KDELR2: variants seen among roughly 807,000 people sequenced by gnomAD.
KDELR2 encodes the protein ER lumen protein-retaining receptor 2.
Under a neutral mutation model 23.9 loss-of-function variants are expected in KDELR2, and 15 were observed. That is an observed-to-expected ratio of 0.63 (90% CI 0.42 to 0.97). The LOEUF (loss-of-function observed/expected upper bound fraction) is 0.97, where lower values mean the gene tolerates loss of function less well. Ranked by LOEUF, KDELR2 falls within the 50% of genes least tolerant of loss-of-function variation. KDELR2 has a pLI of 0.00. For missense variants in KDELR2, 272 were observed against 254.6 expected, an observed-to-expected ratio of 1.07 and a Z score of -0.46; for synonymous variants, 119 against 106.2, an observed-to-expected ratio of 1.12 and a Z score of -0.74.
At chr7:6,464,174 G>A (rs1467668603) in intron 4 of KDELR2, among the ~76,000 whole-genome samples, 2 of 115,450 alleles carry the variant, frequency 1.7e-5, no homozygotes, top group East Asian at 2.9e-4. Flanking sequence ...TCCAGCCTGG[G>A]CAACAAGAGC....
rs371474896 is a variant in KDELR2 at position 6,462,778 on chromosome 7, A to C, written c.*363T>G. The C allele has an allele frequency of 7.8e-6, 4 of 510,072 alleles. No homozygotes were observed. Among genetic ancestry groups the C allele is most frequent in the South Asian group, 6.1e-5 (2 of 32,650 alleles). The allele number at this position is 510,072 out of a possible 1,614,324, so 31.6% of individuals were successfully genotyped here. ...CAAGGAGTACAATTTCATTGCAGAC[A>C]CAAAGACTTAAGAGTTTCAAAGAAT... On this transcript the variant is annotated 3_prime_UTR_variant, in exon 5 of 5. Transcript: ENST00000258739.
Position 6,483,989 on chromosome 7 carries a change from G to C in KDELR2, c.69C>G (p.Ile23Met). Residue 23 changes from isoleucine to methionine, a missense_variant, in exon 1 of 5, where the codon ATC (isoleucine) becomes ATG (methionine). Ile to Met is a conservative substitution (Grantham distance 10). Coordinates refer to ENST00000258739, the MANE Select transcript of KDELR2 (RefSeq NM_006854.4). ...LAAIVILLLK[I>M]WKTRSCAGIS... ...CACCGGCGCAGGAGCGCGTCTTCCA[G>C]ATCTTCAGCAGCAGGATGACGATGG... 1 of 1,531,980 alleles carries C rather than the reference G, an allele frequency of 6.5e-7. No homozygotes were observed. Among genetic ancestry groups the C allele is most frequent in the Non-Finnish European group, 8.8e-7 (1 of 1,137,382 alleles). 94.9% of individuals were successfully genotyped at this position (1,531,980 alleles called of 1,614,324 possible).
At chr7:6,467,452 C>T (rs1785526340) in intron 3 of KDELR2, among the ~76,000 whole-genome samples, 1 of 152,102 alleles carries the variant, frequency 6.6e-6, no homozygotes, top group African/African-American at 2.4e-5. Context: ...TTCAGAGGGT[C>T]CTTGAGTATT....
chr7:6,476,453 T>C (rs180895248), intron 1 of KDELR2, among the ~76,000 whole-genome samples: 515 of 152,336 alleles, frequency 3.4e-3, no homozygotes, highest in Non-Finnish European at 5.6e-3. Flanking sequence ...AGTCAGACCA[T>C]ACCTGGTGTT....
At chr7:6,481,742 A>G (rs1032155380) in intron 1 of KDELR2, among the ~76,000 whole-genome samples, 2 of 152,164 alleles carry the variant, frequency 1.3e-5, no homozygotes, top group African/African-American at 4.8e-5. Flanking sequence ...CAAACAAACA[A>G]ACAAACAAAC....
chr7:6,475,642 G>A (rs1459340958), intron 1 of KDELR2, among the ~76,000 whole-genome samples: 1 of 152,140 alleles, frequency 6.6e-6, no homozygotes, highest in Non-Finnish European at 1.5e-5. Context: ...AGGAAGGCTG[G>A]ACATTTATGT....
At chr7:6,477,997 T>C (rs1472876076) in intron 1 of KDELR2, among the ~76,000 whole-genome samples, 1 of 152,170 alleles carries the variant, frequency 6.6e-6, no homozygotes, top group African/African-American at 2.4e-5. Flanking sequence ...AAATAAGACA[T>C]GAACATTTTA....
chr7:6,476,096 G>A (rs1785746251), intron 1 of KDELR2, among the ~76,000 whole-genome samples: 1 of 152,090 alleles, frequency 6.6e-6, no homozygotes, highest in Non-Finnish European at 1.5e-5. Flanking sequence ...TGTATTACAT[G>A]TTGTTTTTCA....
intron 3 of KDELR2, among the ~76,000 whole-genome samples, chr7:6,467,514 A>G (rs189040206): frequency 1.1e-4 from 16 of 152,248 alleles, no homozygotes; most frequent in Admixed American, 2.6e-4. Context: ...TAATCCCAGC[A>G]CTTTGGGAAG....
At chr7:6,475,679 T>C (rs1322302297) in intron 1 of KDELR2, among the ~76,000 whole-genome samples, 4 of 152,202 alleles carry the variant, frequency 2.6e-5, no homozygotes, top group Non-Finnish European at 4.4e-5. Context: ...TTCTGACATC[T>C]ATATTTGGCC....
chr7:6,464,247 G>A (rs1312597398), intron 4 of KDELR2, among the ~76,000 whole-genome samples: 3 of 131,656 alleles, frequency 2.3e-5, no homozygotes, highest in Non-Finnish European at 3.1e-5. Flanking sequence ...AAAGCTAGGC[G>A]TGGTGGCTCA....
At chr7:6,472,334 G>A (rs1785665312) in intron 2 of KDELR2, among the ~76,000 whole-genome samples, 2 of 152,254 alleles carry the variant, frequency 1.3e-5, no homozygotes, top group South Asian at 2.1e-4. Flanking sequence ...GAGAAGAACA[G>A]CTGCTTCTCT....
At chr7:6,479,256 C>T (rs1785831829) in intron 1 of KDELR2, among the ~76,000 whole-genome samples, 1 of 152,034 alleles carries the variant, frequency 6.6e-6, no homozygotes, top group African/African-American at 2.4e-5. Context: ...TTCCTGGGCT[C>T]CAGTAATCCT....
At chr7:6,483,445 G>A (rs554776749) in intron 1 of KDELR2, among the ~76,000 whole-genome samples, 2 of 152,300 alleles carry the variant, frequency 1.3e-5, no homozygotes, top group East Asian at 1.9e-4. Flanking sequence ...GGTCTTGCAC[G>A]GGCAGGGTGG....
intron 3 of KDELR2, among the ~76,000 whole-genome samples, chr7:6,467,115 G>T (rs898093860): frequency 1.3e-5 from 2 of 152,100 alleles, no homozygotes; most frequent in African/African-American, 2.4e-5. Context: ...TGTCTCTCCA[G>T]GTTTATTCTT....
intron 2 of KDELR2, among the ~76,000 whole-genome samples, chr7:6,471,176 G>GTTTTTTTT (rs1161325162): frequency 1.9e-4 from 14 of 72,616 alleles, no homozygotes; most frequent in Admixed American, 2.5e-4. Context: ...ATTTGTTTCG[G>GTTTTTTTT]TTTTTTTTTT....
chr7:6,467,503 G>A (rs1395094690), intron 3 of KDELR2, among the ~76,000 whole-genome samples: 3 of 152,138 alleles, frequency 2.0e-5, no homozygotes, highest in South Asian at 4.1e-4. Context: ...GCTCATGCCT[G>A]TAATCCCAGC....
intron 4 of KDELR2, among the ~76,000 whole-genome samples, chr7:6,464,738 T>C (rs542749969): frequency 9.6e-5 from 14 of 146,040 alleles, no homozygotes; most frequent in South Asian, 8.5e-4. Context: ...TTTTTTCTTT[T>C]TTTTTTTTTT....
chr7:6,484,057 T>TGGCGGC lies in KDELR2; in HGVS notation c.-6_-1dup, dbSNP rs757547920. 11 of 1,502,442 alleles carry TGGCGGC rather than the reference T, an allele frequency of 7.3e-6. No homozygotes were observed. The highest frequency in any genetic ancestry group is 7.2e-5 in the African/African-American group (5 of 69,000). The allele number at this position is 1,502,442 out of a possible 1,614,324, so 93.1% of individuals were successfully genotyped here. ...TCCCCAGTCAGCCGGAAAATGTTCATGGCGGCGGCGGCGGTGGCGGTCGGC... is the reference window on the plus strand; with the variant it reads ...TCCCCAGTCAGCCGGAAAATGTTCATGGCGGCGGCGGCGGCGGCGGTGGCGGTCGGC... On this transcript the variant is annotated 5_prime_UTR_variant, in exon 1 of 5. Transcript: ENST00000258739.
Sources: gnomAD v4.1 joint callset for allele counts (sites outside exome capture counted in the v4.1 genomes callset) on GRCh38, gnomAD v4.1.1 for gene constraint, MANE v1.5 for transcripts, NCBI Gene and HGNC (gene_info 2026-07-23, HGNC 2026-07-21) for gene names.